CPNE4: variants seen among roughly 807,000 people sequenced by gnomAD.
CPNE4 encodes copine-4.
In CPNE4, 25 loss-of-function variants were observed where a neutral mutation model predicts 67.9. That is an observed-to-expected ratio of 0.37 (90% CI 0.27 to 0.51). The LOEUF (loss-of-function observed/expected upper bound fraction) is 0.51. Among genes scored for constraint, CPNE4 ranks in the 20% least tolerant of loss-of-function variants. The probability of loss-of-function intolerance (pLI) is 0.93; values close to 1 mark genes in which losing one functional copy is unlikely to be tolerated. For synonymous variants in CPNE4, 242 were observed against 244.9 expected (o/e 0.99, Z 0.11); for missense variants, 464 against 690.8 (o/e 0.67, Z 3.68).
At chr3:131,828,989 G>A (rs1177513985) in intron 2 of CPNE4, among the ~76,000 whole-genome samples, 1 of 152,186 alleles carries the variant, frequency 6.6e-6, no homozygotes, top group African/African-American at 2.4e-5. Flanking sequence ...AGGTTTATTG[G>A]ACTTAAGGTT....
intron 4 of CPNE4, among the ~76,000 whole-genome samples, chr3:131,697,541 G>A (rs2081183700): frequency 6.6e-6 from 1 of 151,984 alleles, no homozygotes; most frequent in Admixed American, 6.6e-5. Flanking sequence ...CAAATATTTT[G>A]GAAAATTTAA....
chr3:131,725,832 T>C lies in CPNE4; in HGVS notation c.181-2207A>G, dbSNP rs568743499. On this transcript the variant is annotated intron_variant, in intron 2 of 15. Transcript: ENST00000429747. ...GGCAACCTTGGGCCACATTTCTTCATGGCAACAATTGGAGACTGTCCCATT... is the reference window on the plus strand; with the variant it reads ...GGCAACCTTGGGCCACATTTCTTCACGGCAACAATTGGAGACTGTCCCATT... Among the ~76,000 whole-genome samples the C allele has an allele frequency of 6.6e-5, 10 of 152,346 alleles. No individual in the cohort carries two copies. In the South Asian group the frequency reaches 1.9e-3, roughly 28 times the overall value.
intron 1 of CPNE4, among the ~76,000 whole-genome samples, chr3:131,981,930 T>C (rs1229377566): frequency 1.3e-5 from 2 of 152,172 alleles, no homozygotes; most frequent in Non-Finnish European, 2.9e-5. Flanking sequence ...TTTGGGGATG[T>C]CTCCCAGGTC....
At chr3:131,567,434 G>C (rs1013881729) in intron 10 of CPNE4, among the ~76,000 whole-genome samples, 5 of 151,964 alleles carry the variant, frequency 3.3e-5, no homozygotes, top group Admixed American at 6.6e-5. Flanking sequence ...ATCAGAGCTG[G>C]AGATGGGGTG....
intron 8 of CPNE4, 123 bp downstream of exon 8, chr3:131,587,360 TG>T: frequency 1.5e-6 from 1 of 676,692 alleles, no homozygotes; most frequent in South Asian, 1.8e-5. Flanking sequence ...CATCCTACCA[TG>T]CTCCCTTCTT....
chr3:131,839,216 C>T (rs1390519422), intron 2 of CPNE4, among the ~76,000 whole-genome samples: 1 of 151,780 alleles, frequency 6.6e-6, no homozygotes, highest in Non-Finnish European at 1.5e-5. Context: ...AAAGAAAATA[C>T]TTGCATTAAA....
chr3:131,872,183 T>C (rs1439585128), intron 2 of CPNE4, among the ~76,000 whole-genome samples: 1 of 145,084 alleles, frequency 6.9e-6, no homozygotes, highest in Non-Finnish European at 1.6e-5. Flanking sequence ...TGTGTGTGCG[T>C]GTGTGTGTGT....
chr3:131,872,012 G>A (rs976962565), intron 2 of CPNE4, among the ~76,000 whole-genome samples: 2 of 152,042 alleles, frequency 1.3e-5, no homozygotes, highest in African/African-American at 2.4e-5. Context: ...ACACTGACAC[G>A]TCTCCATCAA....
intron 7 of CPNE4, among the ~76,000 whole-genome samples, chr3:131,643,823 C>A (rs2079596463): frequency 6.6e-6 from 1 of 152,078 alleles, no homozygotes. Context: ...TCTCCCTTTG[C>A]TTGGCACTTC....
intron 7 of CPNE4, among the ~76,000 whole-genome samples, chr3:131,666,272 TA>T (rs1357228383): frequency 6.6e-6 from 1 of 152,078 alleles, no homozygotes; most frequent in Non-Finnish European, 1.5e-5. Context: ...AAGGCAAAAT[TA>T]AATTTGAAAA....
At chr3:131,564,912 C>T (rs1378943878) in intron 10 of CPNE4, among the ~76,000 whole-genome samples, 1 of 151,980 alleles carries the variant, frequency 6.6e-6, no homozygotes, top group South Asian at 2.1e-4. Flanking sequence ...TTTTGGTTCT[C>T]GTTCATGTAA....
At chr3:131,572,117 A>ATCTT (rs1275978561) in intron 10 of CPNE4, among the ~76,000 whole-genome samples, 1 of 152,034 alleles carries the variant, frequency 6.6e-6, no homozygotes, top group East Asian at 1.9e-4. Flanking sequence ...AGATGCCCCC[A>ATCTT]TCTTTAACAC....
chr3:131,746,645 A>C (rs747701948), intron 2 of CPNE4, among the ~76,000 whole-genome samples: 10 of 152,166 alleles, frequency 6.6e-5, no homozygotes, highest in Non-Finnish European at 1.3e-4. Flanking sequence ...GTGTATATAT[A>C]GCATATTTTC....
At chr3:131,894,120 T>A (rs562132004) in intron 2 of CPNE4, among the ~76,000 whole-genome samples, 1 of 151,728 alleles carries the variant, frequency 6.6e-6, no homozygotes, top group East Asian at 1.9e-4. Context: ...ATAGAAGAAA[T>A]ACATAAATTC....
intron 2 of CPNE4, among the ~76,000 whole-genome samples, chr3:131,904,838 A>G (rs537218173): frequency 8.5e-5 from 13 of 152,150 alleles, no homozygotes; most frequent in African/African-American, 2.4e-4. Flanking sequence ...CAAAGCTACC[A>G]TTCCCAAAAT....
intron 1 of CPNE4, among the ~76,000 whole-genome samples, chr3:131,997,016 C>T (rs1454616600): frequency 6.6e-6 from 1 of 151,854 alleles, no homozygotes; most frequent in Admixed American, 6.6e-5. Flanking sequence ...AGTGGAGGGG[C>T]CATATAAATG....
intron 5 of CPNE4, among the ~76,000 whole-genome samples, chr3:131,687,154 G>A (rs544730441): frequency 6.6e-6 from 1 of 152,228 alleles, no homozygotes; most frequent in South Asian, 2.1e-4. Flanking sequence ...CATGTCTCTT[G>A]TGTCTTTTCT....
At chr3:131,740,884 C>T (rs1304601644) in intron 2 of CPNE4, among the ~76,000 whole-genome samples, 1 of 152,184 alleles carries the variant, frequency 6.6e-6, no homozygotes, top group Non-Finnish European at 1.5e-5. Context: ...TTCACTCTGG[C>T]CTCTCTGCTG....
chr3:131,621,931 T>C (rs760475499), intron 7 of CPNE4, among the ~76,000 whole-genome samples: 25 of 147,564 alleles, frequency 1.7e-4, no homozygotes, highest in Non-Finnish European at 5.9e-5. Context: ...AAGAATGGCT[T>C]GAGCCCCAGA....
Sources: gnomAD v4.1 joint callset for allele counts (sites outside exome capture counted in the v4.1 genomes callset) on GRCh38, gnomAD v4.1.1 for gene constraint, MANE v1.5 for transcripts, NCBI Gene and HGNC (gene_info 2026-07-23, HGNC 2026-07-21) for gene names.